Variants in MVD observed in about 807,000 individuals in gnomAD.
MVD encodes the protein diphosphomevalonate decarboxylase.
In MVD, 52 loss-of-function variants were observed where a neutral mutation model predicts 42.4. That is an observed-to-expected ratio of 1.23 (90% CI 0.98 to 1.55). MVD has a LOEUF of 1.55. Among genes scored for constraint, MVD ranks in the 40% most tolerant of loss-of-function variants. The pLI, the probability that MVD is intolerant of heterozygous loss-of-function variation, is 0.00. For missense variants in MVD, 663 were observed against 572.1 expected, an observed-to-expected ratio of 1.16 and a Z score of -1.62; for synonymous variants, 287 against 243.2, an observed-to-expected ratio of 1.18 and a Z score of -1.68.
Position 88,652,223 on chromosome 16 carries a change from T to C in MVD, c.*302A>G, listed in dbSNP as rs956084727. 2 of 529,226 alleles carry C rather than the reference T, an allele frequency of 3.8e-6. No homozygotes were observed. Among genetic ancestry groups the C allele is most frequent in the African/African-American group, 3.8e-5 (2 of 52,056 alleles). The allele number at this position is 529,226 out of a possible 1,614,324, so 32.8% of individuals were successfully genotyped here. A position where few individuals can be genotyped will look rare whatever the true frequency, so the allele number is the denominator to read the frequency against. ...TCAGAGAACTGGGCATAGCCAGAGC[T>C]GGGGTGAGAAAGCCCTTCAGCCCTG... On this transcript the variant is annotated 3_prime_UTR_variant, in exon 10 of 10. Coordinates refer to ENST00000301012, the MANE Select transcript of MVD (RefSeq NM_002461.3).
At position 88,655,216 on chromosome 16, in the gene MVD, G is replaced by A. The variant is rs1424873325; in HGVS notation, c.880C>T (p.His294Tyr). Residue 294 changes from histidine (H) to tyrosine (Y), a missense_variant, in exon 7 of 10, where the codon CAC (histidine) becomes TAC (tyrosine). His to Tyr is a moderately conservative substitution (Grantham distance 83, BLOSUM62 2). Transcript: ENST00000301012. ...IIHLVHRFNAHHGDTKVAYTF... is the reference protein window; with the variant it reads ...IIHLVHRFNAYHGDTKVAYTF... ...CGCGTCACCTTGGTGTCCCCGTGGT[G>A]GGCGTTGAAGCGGTGCACCAGGTGG... The A allele has an allele frequency of 1.3e-6, 2 of 1,567,856 alleles. No homozygotes were observed. The highest frequency in any genetic ancestry group is 1.9e-5 in the Admixed American group (1 of 52,806).
rs200033380 is a variant in MVD at position 88,657,537 on chromosome 16, G to A, written c.302C>T (p.Pro101Leu). The change falls in exon 4 of 10, where the codon CCG (proline) becomes CTG (leucine). Residue 101 changes from proline to leucine, a missense_variant. Pro to Leu is a moderately conservative substitution (Grantham distance 98). Coordinates refer to ENST00000301012, the MANE Select transcript of MVD (RefSeq NM_002461.3). ...RKRRNSRDGD[P>L]LPSSLSCKVH... is the part of the protein sequence containing the mutation. ...CTTGCAGCTGAGGCTGGAGGGCAGC[G>A]GGTCCCCATCCCGTGAGTTCCTCCG... 89 of 1,612,698 alleles carry A rather than the reference G, an allele frequency of 5.5e-5. No individual in the cohort carries two copies. Among genetic ancestry groups the A allele is most frequent in the African/African-American group, 1.3e-4 (10 of 74,940 alleles).
At chr16:88,656,970 G>A (rs1042481139) in intron 4 of MVD, 2 of 344,470 alleles carry the variant, frequency 5.8e-6, no homozygotes, top group Non-Finnish European at 1.1e-5. Flanking sequence ...TGGGTCCAGC[G>A]GGGCCTGCAA....
chr16:88,654,381 T>C (rs1397730204), intron 8 of MVD, among the ~76,000 whole-genome samples: 1 of 152,182 alleles, frequency 6.6e-6, no homozygotes, highest in Admixed American at 6.5e-5. Context: ...GCAGGCGTGT[T>C]TCCTAAGCCA....
chr16:88,657,886 G>A (rs1489348229), intron 3 of MVD, 29 bp downstream of exon 3: 22 of 1,598,872 alleles, frequency 1.4e-5, no homozygotes, highest in Non-Finnish European at 1.9e-5. Flanking sequence ...ACAACAGGGA[G>A]GGATGGGCTT....
Position 88,657,470 on chromosome 16 carries a change from G to A in MVD, c.369C>T (p.Gly123=). The part of the protein sequence containing the change: ...ASVNNFPTAA[G]LASSAAGYAC... ...CATAGCCCGCCGCTGAGGAGGCCAG[G>A]CCCGCAGCCGTGGGGAAGTTGTTCA... Residue 123 remains glycine, a synonymous_variant, in exon 4 of 10, where the codon GGC becomes GGT. Transcript: ENST00000301012. 6.2e-7 allele frequency: 1 copy of A among 1,612,058 alleles called. No homozygotes were observed. The highest frequency in any genetic ancestry group is 1.1e-5 in the South Asian group (1 of 90,946).
intron 1 of MVD, chr16:88,659,052 A>C: frequency 2.9e-6 from 1 of 347,860 alleles, no homozygotes; most frequent in Non-Finnish European, 5.6e-6. Flanking sequence ...CCCAAACAAA[A>C]GGAGCCCAGC....
In MVD at chr16:88,655,698, G is replaced by A. The variant is rs910459581; in HGVS notation, c.636C>T (p.Thr212=). The A allele has an allele frequency of 5.0e-5, 78 of 1,560,264 alleles. No individual in the cohort carries two copies. In the Middle Eastern group the frequency reaches 6.7e-4, roughly 13 times the overall value. Residue 212 remains threonine (T), a synonymous_variant, in exon 6 of 10, where the codon ACC becomes ACT. Transcript: ENST00000301012. ...TCTCCACACTGGCCCGCATGCCCAC[G>A]GTACTGCCTGTCAGCTTCTTCTCAG... ...VSAEKKLTGS[T]VGMRASVETS...
chr16:88,661,401 T>C (rs1035670059), intron 1 of MVD, among the ~76,000 whole-genome samples: 2 of 152,098 alleles, frequency 1.3e-5, no homozygotes, highest in Admixed American at 6.5e-5. Context: ...TTATTTTTTT[T>C]CAGTAGAGAC....
chr16:88,658,122 C>A (rs1189062632), intron 2 of MVD, 93 bp from the exon 3 acceptor site: 1 of 1,302,276 alleles, frequency 7.7e-7, no homozygotes, highest in Non-Finnish European at 1.1e-6. Context: ...TCATGGCTGC[C>A]CACTCGAGCA....
intron 4 of MVD, 88 bp from the exon 5 acceptor site, chr16:88,656,392 C>G (rs1490426788): frequency 2.8e-6 from 4 of 1,404,728 alleles, no homozygotes; most frequent in East Asian, 4.6e-5. Context: ...GTCCCACACC[C>G]CACGGCAAAT....
At chr16:88,657,325 G>C in intron 4 of MVD, 111 bp downstream of exon 4, 1 of 1,430,532 alleles carries the variant, frequency 7.0e-7, no homozygotes, top group Non-Finnish European at 9.5e-7. Flanking sequence ...CCTGGGGTGA[G>C]GGGATGCTCT....
Position 88,656,126 on chromosome 16 carries a change from T to G in MVD, c.582A>C (p.Glu194Asp). The G allele has an allele frequency of 6.2e-7, 1 of 1,600,996 alleles. No homozygotes were observed. Among genetic ancestry groups the G allele is most frequent in the Non-Finnish European group, 8.5e-7 (1 of 1,179,762 alleles). Residue 194 changes from glutamate (E) to aspartate (D), a missense_variant, in exon 5 of 10, where the codon GAA (glutamate) becomes GAC (aspartate). Coordinates refer to ENST00000301012, the MANE Select transcript of MVD (RefSeq NM_002461.3). ...TCACCACAAGGATGAGCACGCGGAG[T>G]TCAGGCCAGTGTGACTCGGGGGCCA... ...RQVAPESHWP[E>D]LRVLILVVSA...
chr16:88,659,688 G>A (rs1439293411), intron 1 of MVD, among the ~76,000 whole-genome samples: 3 of 152,156 alleles, frequency 2.0e-5, no homozygotes, highest in Non-Finnish European at 4.4e-5. Flanking sequence ...ACTCCTGGCC[G>A]GGCGCGGTGG....
Position 88,652,055 on chromosome 16 carries a change from GGGGCAGGGTCTCAGCAGAAGCGCCGT to G in MVD, c.*444_*469del, listed in dbSNP as rs1907596885. ...GCCACCCTCCGAGACACCTGGGCCGGGGGCAGGGTCTCAGCAGAAGCGCCGTGGGCAGCCACCATCCGAGGCACTTG... is the reference window on the plus strand; with the variant it reads ...GCCACCCTCCGAGACACCTGGGCCGGGGGCAGCCACCATCCGAGGCACTTG... On this transcript the variant is annotated 3_prime_UTR_variant, in exon 10 of 10. Coordinates refer to ENST00000301012, the MANE Select transcript of MVD (RefSeq NM_002461.3). 2 of 197,996 alleles carry G rather than the reference GGGGCAGGGTCTCAGCAGAAGCGCCGT, an allele frequency of 1.0e-5. No homozygotes were observed. The highest frequency in any genetic ancestry group is 2.1e-5 in the Non-Finnish European group (2 of 93,524). 12.3% of individuals were successfully genotyped at this position (197,996 alleles called of 1,614,324 possible).
At chr16:88,662,960 C>G in intron 1 of MVD, 51 bp downstream of exon 1, 1 of 1,566,270 alleles carries the variant, frequency 6.4e-7, no homozygotes, top group Non-Finnish European at 8.6e-7. Flanking sequence ...CCCCCGCGTA[C>G]CCGGCCTCGC....
intron 1 of MVD, chr16:88,658,971 G>A (rs1363018453): frequency 2.0e-6 from 1 of 508,578 alleles, no homozygotes; most frequent in South Asian, 2.0e-5. Context: ...TTCCTTCATC[G>A]CTTCTACTCC....
chr16:88,655,770 G>C, intron 5 of MVD, 40 bp from the exon 6 acceptor site: 2 of 1,545,206 alleles, frequency 1.3e-6, no homozygotes. Context: ...ACCCTGCAGG[G>C]GGCCAGCCCC....
In MVD at chr16:88,656,120, G is replaced by T. The variant is rs764558749; in HGVS notation, c.588C>A (p.Arg196=). 6.3e-6 allele frequency: 10 copies of T among 1,598,092 alleles called. No individual in the cohort carries two copies. Among genetic ancestry groups the T allele is most frequent in the Non-Finnish European group, 6.8e-6 (8 of 1,178,018 alleles). Residue 196 remains arginine (R), a synonymous_variant, in exon 5 of 10, where the codon CGC becomes CGA. Transcript: ENST00000301012. ...VAPESHWPEL[R]VLILVVSAEK... is the part of the protein sequence containing the mutation. ...CCCCACTCACCACAAGGATGAGCAC[G>T]CGGAGTTCAGGCCAGTGTGACTCGG...
Sources: gnomAD v4.1 joint callset for allele counts (sites outside exome capture counted in the v4.1 genomes callset) on GRCh38, gnomAD v4.1.1 for gene constraint, MANE v1.5 for transcripts, NCBI Gene and HGNC (gene_info 2026-07-23, HGNC 2026-07-21) for gene names.